The following DPP10 variants were observed in gnomAD, a reference collection of about 807,000 sequenced individuals.
The protein encoded by DPP10 is dipeptidyl peptidase like 10, also known as inactive dipeptidyl peptidase 10.
Under a neutral mutation model 120.9 loss-of-function variants are expected in DPP10, and 33 were observed. The ratio of observed to expected loss-of-function variants is 0.27; its 90% confidence interval spans 0.21 to 0.37. The LOEUF is 0.37. Ranked by LOEUF, DPP10 falls within the 10% of genes least tolerant of loss-of-function variation. The pLI is 1.00. For missense variants in DPP10, 816 were observed against 942.8 expected, an observed-to-expected ratio of 0.87 and a Z score of 1.76; for synonymous variants, 337 against 326.1, an observed-to-expected ratio of 1.03 and a Z score of -0.36.
chr2:115,234,970 G>T (rs945737810), intron 1 of DPP10, among the ~76,000 whole-genome samples: 7 of 152,086 alleles, frequency 4.6e-5, no homozygotes, highest in Non-Finnish European at 8.8e-5. Context: ...GTAAATTTAT[G>T]ATCTCTCTGG....
At chr2:115,456,014 A>T (rs971574210) in intron 3 of DPP10, among the ~76,000 whole-genome samples, 1 of 152,200 alleles carries the variant, frequency 6.6e-6, no homozygotes, top group African/African-American at 2.4e-5. Flanking sequence ...AGAAACTACC[A>T]TCAGAGTGAA....
intron 1 of DPP10, among the ~76,000 whole-genome samples, chr2:115,155,349 T>C (rs970715759): frequency 6.6e-6 from 1 of 152,130 alleles, no homozygotes; most frequent in African/African-American, 2.4e-5. Flanking sequence ...AATAGATCAG[T>C]TATATTCGGG....
At chr2:115,230,315 C>G (rs2057673981) in intron 1 of DPP10, among the ~76,000 whole-genome samples, 1 of 151,796 alleles carries the variant, frequency 6.6e-6, no homozygotes, top group African/African-American at 2.4e-5. Context: ...TTGAATAGTC[C>G]TTGGTGGAGT....
At chr2:115,170,962 CT>C (rs1376676228) in intron 1 of DPP10, among the ~76,000 whole-genome samples, 6 of 152,196 alleles carry the variant, frequency 3.9e-5, no homozygotes, top group Non-Finnish European at 8.8e-5. Flanking sequence ...CTTCATCTCT[CT>C]TTGCATGAAT....
At chr2:114,624,525 G>A (rs1694346098) in intron 1 of DPP10, among the ~76,000 whole-genome samples, 1 of 151,860 alleles carries the variant, frequency 6.6e-6, no homozygotes, top group Non-Finnish European at 1.5e-5. Context: ...CTGTCACTTA[G>A]TGACTTCTCT....
intron 21 of DPP10, among the ~76,000 whole-genome samples, chr2:115,834,788 T>G (rs1689274306): frequency 1.3e-5 from 2 of 152,088 alleles, no homozygotes; most frequent in African/African-American, 2.4e-5. Context: ...AAAAGGCAGA[T>G]TAACAGGAGA....
chr2:114,837,486 A>G (rs1291812073), intron 1 of DPP10, among the ~76,000 whole-genome samples: 1 of 152,136 alleles, frequency 6.6e-6, no homozygotes, highest in Non-Finnish European at 1.5e-5. Context: ...GAAAATATTG[A>G]GTGAGTCCAT....
chr2:115,128,473 C>A (rs551696711), intron 1 of DPP10, among the ~76,000 whole-genome samples: 1 of 152,088 alleles, frequency 6.6e-6, no homozygotes, highest in Non-Finnish European at 1.5e-5. Flanking sequence ...CTCATAATTC[C>A]TCTGAGGAGC....
At chr2:114,853,335 G>T (rs1003966350) in intron 1 of DPP10, among the ~76,000 whole-genome samples, 3 of 151,962 alleles carry the variant, frequency 2.0e-5, no homozygotes, top group Non-Finnish European at 4.4e-5. Flanking sequence ...TATAAGTAAA[G>T]CTGGCTCTGA....
intron 1 of DPP10, among the ~76,000 whole-genome samples, chr2:115,215,544 CAT>C (rs928621021): frequency 4.0e-5 from 6 of 151,808 alleles, no homozygotes; most frequent in African/African-American, 1.5e-4. Context: ...GAAAAGGGAA[CAT>C]ATACATCATT....
chr2:114,910,402 A>G (rs908632178), intron 1 of DPP10, among the ~76,000 whole-genome samples: 6 of 152,010 alleles, frequency 3.9e-5, no homozygotes, highest in African/African-American at 1.4e-4. Flanking sequence ...AAGTAACCAA[A>G]TAGAATTTTT....
At chr2:115,107,545 T>C (rs2049012456) in intron 1 of DPP10, among the ~76,000 whole-genome samples, 1 of 150,966 alleles carries the variant, frequency 6.6e-6, no homozygotes, top group Non-Finnish European at 1.5e-5. Flanking sequence ...AGCTGTTTTT[T>C]AAACAATGAC....
At chr2:115,211,188 T>C (rs2056486452) in intron 1 of DPP10, among the ~76,000 whole-genome samples, 1 of 152,070 alleles carries the variant, frequency 6.6e-6, no homozygotes, top group African/African-American at 2.4e-5. Context: ...GCAAAATCTT[T>C]TTCTCAGAAA....
intron 1 of DPP10, among the ~76,000 whole-genome samples, chr2:114,540,935 C>T (rs1455521616): frequency 6.6e-6 from 1 of 152,166 alleles, no homozygotes; most frequent in Non-Finnish European, 1.5e-5. Flanking sequence ...CTTACACAGA[C>T]TCTCATTAGG....
At chr2:115,480,349 T>A (rs566777072) in intron 3 of DPP10, among the ~76,000 whole-genome samples, 1 of 152,308 alleles carries the variant, frequency 6.6e-6, no homozygotes, top group Non-Finnish European at 1.5e-5. Flanking sequence ...CCCTTTCTTT[T>A]AATGTACTGC....
intron 5 of DPP10, among the ~76,000 whole-genome samples, chr2:115,566,158 C>T (rs555996619): frequency 6.6e-6 from 1 of 152,154 alleles, no homozygotes; most frequent in South Asian, 2.1e-4. Flanking sequence ...AAACCAGGAG[C>T]CACATAATGT....
At chr2:115,805,544 G>C (rs1325042183) in intron 19 of DPP10, among the ~76,000 whole-genome samples, 1 of 151,484 alleles carries the variant, frequency 6.6e-6, no homozygotes, top group East Asian at 2.0e-4. Context: ...CTGTAGACTG[G>C]AGCTGTTCCT....
intron 1 of DPP10, among the ~76,000 whole-genome samples, chr2:114,496,317 G>A (rs73946174): frequency 0.039 from 5,889 of 152,134 alleles, 378 homozygotes; most frequent in African/African-American, 0.13. Context: ...TACAGAATTG[G>A]GGCCTACACC....
chr2:115,444,390 A>C (rs954805938), intron 3 of DPP10, among the ~76,000 whole-genome samples: 16 of 152,314 alleles, frequency 1.1e-4, no homozygotes, highest in Admixed American at 9.8e-4. Context: ...AAGATCTTTG[A>C]ACATAATTAA....
Sources: gnomAD v4.1 joint callset for allele counts (sites outside exome capture counted in the v4.1 genomes callset) on GRCh38, gnomAD v4.1.1 for gene constraint, MANE v1.5 for transcripts, NCBI Gene and HGNC (gene_info 2026-07-23, HGNC 2026-07-21) for gene names.